IGF2BP2: variants seen among roughly 807,000 people sequenced by gnomAD.
IGF2BP2 encodes insulin-like growth factor 2 mRNA-binding protein 2.
IGF2BP2 carries 17 observed loss-of-function variants against 75.8 expected under a neutral mutation model. That is an observed-to-expected ratio of 0.22 (90% confidence interval 0.15 to 0.34). The LOEUF (loss-of-function observed/expected upper bound fraction) is 0.34. Among genes scored for constraint, IGF2BP2 ranks in the 10% least tolerant of loss-of-function variants. The pLI, the probability that IGF2BP2 is intolerant of heterozygous loss-of-function variation, is 1.00. For missense variants in IGF2BP2, 516 were observed against 772.4 expected (o/e 0.67, Z 3.93); for synonymous variants, 288 against 295.6 (o/e 0.97, Z 0.26).
At chr3:185,662,594 A>G (rs1351613948) in intron 10 of IGF2BP2, among the ~76,000 whole-genome samples, 5 of 122,698 alleles carry the variant, frequency 4.1e-5, no homozygotes, top group Admixed American at 1.8e-4. Context: ...CCCAGGCTGG[A>G]GTGCAGTGGC....
chr3:185,825,006 G>C lies in IGF2BP2; in HGVS notation c.-46C>G. 7.1e-7 allele frequency: 1 copy of C among 1,413,782 alleles called. No homozygotes were observed. Among genetic ancestry groups the C allele is most frequent in the East Asian group, 2.9e-5 (1 of 35,014 alleles). 87.6% of individuals were successfully genotyped at this position (1,413,782 alleles called of 1,614,324 possible). ...CGCGGCTCCCCCGGCCCGGTACCCGGCGCTCCTCGCCTCCTCCGCTGCCCT... is the reference window on the plus strand; with the variant it reads ...CGCGGCTCCCCCGGCCCGGTACCCGCCGCTCCTCGCCTCCTCCGCTGCCCT... On this transcript the variant is annotated 5_prime_UTR_variant, in exon 1 of 16. Coordinates refer to ENST00000382199, the MANE Select transcript of IGF2BP2 (RefSeq NM_006548.6).
At chr3:185,741,125 G>A (rs1216636238) in intron 2 of IGF2BP2, among the ~76,000 whole-genome samples, 2 of 152,054 alleles carry the variant, frequency 1.3e-5, no homozygotes, top group Admixed American at 6.6e-5. Context: ...CACCAGCCTC[G>A]GCCTCCCAAA....
intron 7 of IGF2BP2, 103 bp downstream of exon 7, chr3:185,686,954 G>C: frequency 4.8e-6 from 6 of 1,253,298 alleles, no homozygotes; most frequent in Admixed American, 2.1e-5. Context: ...CTCTGTTACT[G>C]AGTAACAGAT....
chr3:185,732,063 T>A (rs575285192), intron 2 of IGF2BP2, among the ~76,000 whole-genome samples: 1 of 152,176 alleles, frequency 6.6e-6, no homozygotes, highest in Non-Finnish European at 1.5e-5. Context: ...GCACTCGTTG[T>A]TCTCTCTGGT....
At chr3:185,729,119 C>A (rs1218588927) in intron 2 of IGF2BP2, among the ~76,000 whole-genome samples, 4 of 151,050 alleles carry the variant, frequency 2.6e-5, no homozygotes, top group Non-Finnish European at 5.9e-5. Flanking sequence ...TTTTTTTCCA[C>A]AAAAATTTTG....
intron 2 of IGF2BP2, among the ~76,000 whole-genome samples, chr3:185,819,440 T>C (rs546450367): frequency 2.6e-5 from 4 of 152,298 alleles, no homozygotes; most frequent in Non-Finnish European, 5.9e-5. Context: ...CTTTTAAAAA[T>C]GTAAACTAGA....
intron 2 of IGF2BP2, among the ~76,000 whole-genome samples, chr3:185,802,458 C>A (rs1378468118): frequency 1.3e-5 from 2 of 152,202 alleles, no homozygotes; most frequent in Admixed American, 1.3e-4. Flanking sequence ...AATGCAGGGA[C>A]AGAGGGTTGG....
At position 185,704,615 on chromosome 3, in the gene IGF2BP2, A is replaced by AT. The variant is rs562081822; in HGVS notation, c.240-6269dup. 5.3e-5 allele frequency among the ~76,000 whole-genome samples: 8 copies of AT among 152,200 alleles called. No homozygotes were observed. The South Asian group carries it at 1.7e-3, about 32-fold the overall frequency. On this transcript the variant is annotated intron_variant, in intron 2 of 15. Transcript: ENST00000382199. The stretch of plus-strand genomic sequence containing the variant: ...CAGGCCCAAGCCACCATGCCCAGCT[A>AT]TTTTTTGTAGTTTTTGTAGAGATGG...
At chr3:185,824,752 G>A (rs1741818465) in intron 1 of IGF2BP2, 31 bp downstream of exon 1, 1 of 1,286,852 alleles carries the variant, frequency 7.8e-7, no homozygotes, top group Non-Finnish European at 1.0e-6. Flanking sequence ...GCGGGGCGAG[G>A]CGGGGGGAGG....
intron 9 of IGF2BP2, among the ~76,000 whole-genome samples, chr3:185,673,534 TG>T (rs1718851400): frequency 6.6e-6 from 1 of 152,196 alleles, no homozygotes; most frequent in East Asian, 1.9e-4. Flanking sequence ...TACATGGGGA[TG>T]GTCACACAGA....
chr3:185,677,068 T>TATATATATAG, intron 7 of IGF2BP2, among the ~76,000 whole-genome samples: 55 of 35,848 alleles, frequency 1.5e-3, no homozygotes, highest in African/African-American at 3.9e-3. Context: ...TATATATATA[T>TATATATATAG]AGAGAGAGAG....
At chr3:185,781,075 T>C (rs1431042098) in intron 2 of IGF2BP2, among the ~76,000 whole-genome samples, 2 of 152,202 alleles carry the variant, frequency 1.3e-5, no homozygotes, top group Non-Finnish European at 1.5e-5. Flanking sequence ...CTCTCAAATC[T>C]AGTTATTTGA....
At chr3:185,718,684 C>CAAAAA (rs10699427) in intron 2 of IGF2BP2, among the ~76,000 whole-genome samples, 346 of 47,476 alleles carry the variant, frequency 7.3e-3, no homozygotes, top group African/African-American at 9.8e-3. Context: ...GACTCTGTCT[C>CAAAAA]AAAAAAAAAA....
Position 185,655,422 on chromosome 3 carries a change from C to T in IGF2BP2, c.1386+1864G>A, listed in dbSNP as rs530342564. On this transcript the variant is annotated intron_variant, in intron 12 of 15. Coordinates refer to ENST00000382199, the MANE Select transcript of IGF2BP2 (RefSeq NM_006548.6). Reference sequence around the variant, plus strand: ...CTGGGATTACAGGTATAAGTCACCACGCCCGGCTGACTGATTTTAAAAATT... The same window carrying T: ...CTGGGATTACAGGTATAAGTCACCATGCCCGGCTGACTGATTTTAAAAATT... 5.9e-5 allele frequency among the ~76,000 whole-genome samples: 9 copies of T among 152,348 alleles called. No individual in the cohort carries two copies. In the South Asian group the frequency reaches 6.2e-4, roughly 11 times the overall value.
Position 185,737,631 on chromosome 3 carries a change from AAC to A in IGF2BP2, c.240-39286_240-39285del. ...TAAATCTGATAGTGGCATTCGCAGT[AAC>A]AGTTACATTATTCTATACATTGAGT... On this transcript the variant is annotated intron_variant, in intron 2 of 15. Transcript: ENST00000382199. Among the ~76,000 whole-genome samples, 3 of 152,378 alleles carry A rather than the reference AAC, an allele frequency of 2.0e-5. No individual in the cohort carries two copies. The South Asian group carries it at 6.2e-4, about 32-fold the overall frequency.
chr3:185,821,227 C>CATACATTTGGAATGTTACTCCTCT, intron 2 of IGF2BP2: 1 of 1,068,294 alleles, frequency 9.4e-7, no homozygotes, highest in Non-Finnish European at 1.3e-6. Flanking sequence ...TCCTCTAGAG[C>CATACATTTGGAATGTTACTCCTCT]AGCAGCTTAT....
chr3:185,743,793 G>A lies in IGF2BP2; in HGVS notation c.240-45446C>T, dbSNP rs1469063846. ...AATAACAAAGCAAACAAAAACTCCT[G>A]CTTGGAATTCTGGCTTTGGTGAAAT... On this transcript the variant is annotated intron_variant, in intron 2 of 15. Coordinates refer to ENST00000382199, the MANE Select transcript of IGF2BP2 (RefSeq NM_006548.6). 2.0e-5 allele frequency among the ~76,000 whole-genome samples: 3 copies of A among 152,252 alleles called. No individual in the cohort carries two copies. The East Asian group carries it at 5.8e-4, about 29-fold the overall frequency.
chr3:185,678,660 T>C (rs981871104), intron 7 of IGF2BP2, among the ~76,000 whole-genome samples: 3 of 152,224 alleles, frequency 2.0e-5, no homozygotes, highest in Non-Finnish European at 4.4e-5. Context: ...TATAGTGTTG[T>C]TCCAATTCTA....
At chr3:185,743,383 C>T (rs1329653427) in intron 2 of IGF2BP2, among the ~76,000 whole-genome samples, 1 of 152,140 alleles carries the variant, frequency 6.6e-6, no homozygotes, top group Admixed American at 6.5e-5. Context: ...TCAAGTGGTT[C>T]TCCTGTTTCA....
Sources: allele counts gnomAD v4.1 joint callset (sites outside exome capture counted in the v4.1 genomes callset), GRCh38; gene constraint gnomAD v4.1.1; transcripts MANE v1.5; gene names NCBI Gene and HGNC (gene_info 2026-07-23, HGNC 2026-07-21).